Variants in NFATC2 observed in about 807,000 individuals in gnomAD.
NFATC2 encodes the protein nuclear factor of activated T cells 2, also known as nuclear factor of activated T-cells, cytoplasmic 2.
A neutral mutation model predicts 87.3 loss-of-function variants in NFATC2; 22 were observed. The ratio of observed to expected loss-of-function variants is 0.25; its 90% CI spans 0.18 to 0.36. NFATC2 has a LOEUF of 0.36. Among genes scored for constraint, NFATC2 ranks in the 10% least tolerant of loss-of-function variants. NFATC2 has a pLI of 1.00. For synonymous variants in NFATC2, 565 were observed against 542.2 expected (o/e 1.04, Z -0.58); for missense variants, 1,149 against 1,259.1 (o/e 0.91, Z 1.32).
At chr20:51,453,539 C>T (rs149343147) in intron 6 of NFATC2, among the ~76,000 whole-genome samples, 68 of 152,302 alleles carry the variant, frequency 4.5e-4, no homozygotes, top group Middle Eastern at 3.4e-3. Context: ...GTTATTTGAG[C>T]TAATTTCCTT....
chr20:51,541,377 TTTG>T (rs1324538451), intron 1 of NFATC2, among the ~76,000 whole-genome samples: 1 of 152,148 alleles, frequency 6.6e-6, no homozygotes, highest in Non-Finnish European at 1.5e-5. Flanking sequence ...GGTTGGGTTT[TTTG>T]TTTTTTCCAA....
At chr20:51,516,352 A>G (rs547569811) in intron 3 of NFATC2, among the ~76,000 whole-genome samples, 2 of 152,370 alleles carry the variant, frequency 1.3e-5, no homozygotes, top group African/African-American at 4.8e-5. Flanking sequence ...AAATACTAAT[A>G]TAGCTATTTT....
At chr20:51,412,352 G>C (rs961780407) in intron 9 of NFATC2, among the ~76,000 whole-genome samples, 1 of 152,302 alleles carries the variant, frequency 6.6e-6, no homozygotes, top group Middle Eastern at 3.4e-3. Context: ...TCTGCATTCT[G>C]AGTCACAAGG....
chr20:51,559,239 A>C (rs1177919652), intron 1 of NFATC2, among the ~76,000 whole-genome samples: 1 of 152,316 alleles, frequency 6.6e-6, no homozygotes, highest in East Asian at 1.9e-4. Context: ...CATTTCCCTG[A>C]GGGAAGTCAA....
At chr20:51,542,236 C>G (rs1040305823) in intron 1 of NFATC2, 134 bp downstream of exon 1, 2 of 1,160,296 alleles carry the variant, frequency 1.7e-6, no homozygotes, top group African/African-American at 3.3e-5. Context: ...CTCCCTGGCA[C>G]CTGGGTAGGG....
At chr20:51,561,431 A>G (rs1466213162) in intron 1 of NFATC2, among the ~76,000 whole-genome samples, 1 of 110,178 alleles carries the variant, frequency 9.1e-6, no homozygotes, top group Non-Finnish European at 1.9e-5. Flanking sequence ...AGAGAGAAAG[A>G]AAAGAAAGAA....
chr20:51,421,775 A>G (rs1250916565), intron 9 of NFATC2, among the ~76,000 whole-genome samples: 1 of 152,164 alleles, frequency 6.6e-6, no homozygotes, highest in African/African-American at 2.4e-5. Context: ...TTTTTCAAAT[A>G]CCGTGTGGGC....
In NFATC2 at chr20:51,524,026, T is replaced by C; in HGVS notation, c.215A>G (p.Tyr72Cys). 1.3e-6 allele frequency: 2 copies of C among 1,552,630 alleles called. No homozygotes were observed. The highest frequency in any genetic ancestry group is 1.4e-5 in the African/African-American group (1 of 71,840). Reference protein sequence around the residue: ...DDVLDYGLKPYSPLASLSGEP... With the variant: ...DDVLDYGLKPCSPLASLSGEP... ...GCCAGAGAGACTAGCAAGGGGGCTGTATGGCTTGAGGCCATAGTCCAGGAC... is the reference window on the plus strand; with the variant it reads ...GCCAGAGAGACTAGCAAGGGGGCTGCATGGCTTGAGGCCATAGTCCAGGAC... The change falls in exon 2 of 11, where the codon TAC (tyrosine) becomes TGC (cysteine). Residue 72 changes from tyrosine to cysteine, a missense_variant. By Grantham distance (194) the Tyr-to-Cys change is radical. Transcript: ENST00000371564. The surrounding 1 kb of genome is among the most constrained non-coding windows in gnomAD (Gnocchi z 4.0).
intron 10 of NFATC2, among the ~76,000 whole-genome samples, chr20:51,395,323 T>TATTGATCCTTTAATAAACTTGTAC (rs1555863860): frequency 1.2e-5 from 1 of 82,486 alleles, no homozygotes; most frequent in African/African-American, 4.0e-5. Context: ...TTAACTTGTA[T>TATTGATCCTTTAATAAACTTGTAC]GGTATTGATC....
chr20:51,476,632 G>C (rs1270635892), intron 3 of NFATC2, among the ~76,000 whole-genome samples: 3 of 152,142 alleles, frequency 2.0e-5, no homozygotes, highest in Non-Finnish European at 4.4e-5. Flanking sequence ...TCTGAGAGCA[G>C]AGATGTTTGT....
At chr20:51,487,503 TA>T (rs1293939360) in intron 3 of NFATC2, among the ~76,000 whole-genome samples, 1 of 151,804 alleles carries the variant, frequency 6.6e-6, no homozygotes, top group Non-Finnish European at 1.5e-5. Flanking sequence ...AAAATTAAAT[TA>T]AAAAACAAAA....
At chr20:51,509,157 C>T (rs2076233144) in intron 3 of NFATC2, among the ~76,000 whole-genome samples, 2 of 152,160 alleles carry the variant, frequency 1.3e-5, no homozygotes, top group South Asian at 2.1e-4. Context: ...CTTCTTTGCC[C>T]AAATGTGGCT....
chr20:51,520,900 C>A (rs1380874648), intron 2 of NFATC2, among the ~76,000 whole-genome samples: 2 of 151,978 alleles, frequency 1.3e-5, no homozygotes, highest in African/African-American at 4.8e-5. Context: ...CTCAGGTGAT[C>A]CGCCCGCCTC....
chr20:51,415,760 G>A (rs1979958366), intron 9 of NFATC2, among the ~76,000 whole-genome samples: 1 of 152,168 alleles, frequency 6.6e-6, no homozygotes. Context: ...GAGAGGACAT[G>A]TTTCACACCC....
At chr20:51,399,528 G>C (rs937135882) in intron 9 of NFATC2, among the ~76,000 whole-genome samples, 1 of 151,810 alleles carries the variant, frequency 6.6e-6, no homozygotes, top group African/African-American at 2.4e-5. Context: ...TAAGCTCCCT[G>C]AAATCTCATC....
chr20:51,519,242 A>C (rs1055786725), intron 2 of NFATC2, among the ~76,000 whole-genome samples: 1 of 152,148 alleles, frequency 6.6e-6, no homozygotes, highest in African/African-American at 2.4e-5. Flanking sequence ...AGCACCAAAA[A>C]TTTTGTGAGA....
At position 51,523,901 on chromosome 20, in the gene NFATC2, C is replaced by T. The variant is rs1287692514; in HGVS notation, c.340G>A (p.Glu114Lys). 1 of 1,606,294 alleles carries T rather than the reference C, an allele frequency of 6.2e-7. No individual in the cohort carries two copies. The highest frequency in any genetic ancestry group is 8.5e-7 in the Non-Finnish European group (1 of 1,177,650). ...ATCAGTTCGTGGGACGGAGTGATCT[C>T]GATCCGAGGGCTCAGGCCCGAGGCC... ...AGASGLSPRI[E>K]ITPSHELIQA... Residue 114 changes from glutamate (E) to lysine (K), a missense_variant, in exon 2 of 11, where the codon GAG becomes AAG. Around this residue, in one of 3 missense-constraint regions of NFATC2, gnomAD observed 563 missense variants for 585.2 expected, o/e 0.96. Coordinates refer to ENST00000371564, the MANE Select transcript of NFATC2 (RefSeq NM_012340.5). This position sits in a 1 kb window ranked among gnomAD's most constrained non-coding sequence, Gnocchi z 6.9.
At chr20:51,477,740 C>T (rs1038526796) in intron 3 of NFATC2, among the ~76,000 whole-genome samples, 2 of 151,558 alleles carry the variant, frequency 1.3e-5, no homozygotes, top group African/African-American at 4.8e-5. Context: ...TCACGAAGAC[C>T]CCACTCTTCT....
chr20:51,393,733 C>T (rs1986648445), intron 10 of NFATC2, among the ~76,000 whole-genome samples: 1 of 152,146 alleles, frequency 6.6e-6, no homozygotes, highest in Admixed American at 6.5e-5. Context: ...TTTTCAAAGC[C>T]CGGATTCCAA....
Sources: allele counts gnomAD v4.1 joint callset (sites outside exome capture counted in the v4.1 genomes callset), GRCh38; gene constraint gnomAD v4.1.1; regional missense constraint gnomAD v4.1.1; non-coding constraint Gnocchi (gnomAD v3.1); transcripts MANE v1.5; gene names NCBI Gene and HGNC (gene_info 2026-07-23, HGNC 2026-07-21).